CNTN4: variants seen among roughly 807,000 people sequenced by gnomAD.
CNTN4 encodes the protein contactin 4, also known as contactin-4.
CNTN4 carries 77 observed loss-of-function variants against 122.5 expected under a neutral mutation model. The observed-to-expected ratio is 0.63, with a 90% CI of 0.52 to 0.76. The LOEUF (loss-of-function observed/expected upper bound fraction) is 0.76, where lower values mean the gene tolerates loss of function less well. Among genes scored for constraint, CNTN4 ranks in the 30% least tolerant of loss-of-function variants. CNTN4 has a pLI of 0.00. For synonymous variants in CNTN4, 512 were observed against 447.0 expected, an observed-to-expected ratio of 1.15 and a Z score of -1.83; for missense variants, 1,256 against 1,259.1, an observed-to-expected ratio of 1.00 and a Z score of 0.04.
At chr3:2,751,030 G>C (rs1423492179) in intron 6 of CNTN4, among the ~76,000 whole-genome samples, 1 of 152,124 alleles carries the variant, frequency 6.6e-6, no homozygotes. Context: ...GGCCAGGCGC[G>C]ATGGCTCATG....
chr3:2,961,308 G>C (rs964980161), intron 13 of CNTN4, among the ~76,000 whole-genome samples: 2 of 147,008 alleles, frequency 1.4e-5, no homozygotes. Context: ...CATCACCCCA[G>C]CCAACACCTA....
chr3:2,782,410 C>A (rs1016991916), intron 6 of CNTN4, among the ~76,000 whole-genome samples: 1 of 150,542 alleles, frequency 6.6e-6, no homozygotes, highest in African/African-American at 2.4e-5. Context: ...TTCCTAGTGG[C>A]GATGAAGACT....
rs146761914 is a variant in CNTN4 at position 2,649,316 on chromosome 3, C to T, written c.55+77758C>T. Among the ~76,000 whole-genome samples the T allele has an allele frequency of 7.0e-4, 107 of 152,284 alleles. 1 individual carries two copies. Among genetic ancestry groups the T allele is most frequent in the Non-Finnish European group, 1.4e-3 (92 of 68,010 alleles). On this transcript the variant is annotated intron_variant, in intron 4 of 24. Transcript: ENST00000418658. ...ATAAGTAGAGAGGACAAGTCAATGC[C>T]TGGCTTCAAAACTTCAAAGGACGGG...
chr3:2,662,307 C>T (rs1175292407), intron 4 of CNTN4, among the ~76,000 whole-genome samples: 1 of 152,170 alleles, frequency 6.6e-6, no homozygotes, highest in Non-Finnish European at 1.5e-5. Context: ...ATTTAGATCT[C>T]ACTCATATAA....
Position 3,055,341 on chromosome 3 carries a change from G to C in CNTN4, c.2981-779G>C, listed in dbSNP as rs17025492. Among the ~76,000 whole-genome samples the C allele has an allele frequency of 2.5e-3, 376 of 152,268 alleles. 3 individuals carry two copies. The highest frequency in any genetic ancestry group is 8.7e-3 in the African/African-American group (360 of 41,556). ...AGGGATTGACATTTTTAGATAGACT[G>C]ATGATTCCTGGTTTTATTCATTACA... On this transcript the variant is annotated intron_variant, in intron 24 of 24. Transcript: ENST00000418658.
intron 2 of CNTN4, among the ~76,000 whole-genome samples, chr3:2,174,197 G>A (rs771869122): frequency 6.6e-6 from 1 of 152,114 alleles, no homozygotes; most frequent in South Asian, 2.1e-4. Context: ...TGTCTTTTCC[G>A]TGGAAAAGAG....
In CNTN4 at chr3:2,802,540, A is replaced by G. The variant is rs368333711; in HGVS notation, c.359-16946A>G. Among the ~76,000 whole-genome samples, 19 of 152,352 alleles carry G rather than the reference A, an allele frequency of 1.2e-4. 2 individuals are homozygous for G. Among genetic ancestry groups the G allele is most frequent in the Admixed American group, 1.3e-4 (2 of 15,304 alleles). ...TACGTGTCAGATGAGCTTCTTTCAG[A>G]CCACGAATTCAATGTCAATGAGTCA... On this transcript the variant is annotated intron_variant, in intron 6 of 24. Coordinates refer to ENST00000418658, the MANE Select transcript of CNTN4 (RefSeq NM_175607.3).
At chr3:2,745,736 A>C (rs942097113) in intron 6 of CNTN4, 39 bp downstream of exon 6, 7 of 1,585,272 alleles carry the variant, frequency 4.4e-6, no homozygotes, top group Non-Finnish European at 6.1e-6. Context: ...TGTTGCTTTC[A>C]GTTTGTGTAC....
chr3:2,310,829 A>T (rs2042887591), intron 2 of CNTN4, among the ~76,000 whole-genome samples: 1 of 152,168 alleles, frequency 6.6e-6, no homozygotes, highest in Admixed American at 6.6e-5. Context: ...AAAGGATTGC[A>T]TTTGAATACT....
At chr3:2,459,550 T>G (rs1430719106) in intron 3 of CNTN4, among the ~76,000 whole-genome samples, 1 of 152,104 alleles carries the variant, frequency 6.6e-6, no homozygotes, top group Non-Finnish European at 1.5e-5. Context: ...ATTTTCTAGG[T>G]GCAGAGCAAC....
At chr3:2,243,399 G>A (rs1347934802) in intron 2 of CNTN4, among the ~76,000 whole-genome samples, 4 of 152,144 alleles carry the variant, frequency 2.6e-5, no homozygotes, top group African/African-American at 7.2e-5. Context: ...CTAGGCCCAT[G>A]TGTGGGCTGT....
At chr3:2,707,773 T>C (rs2149312241) in intron 4 of CNTN4, among the ~76,000 whole-genome samples, 1 of 152,124 alleles carries the variant, frequency 6.6e-6, no homozygotes, top group Admixed American at 6.5e-5. Context: ...CCTCCCTAAG[T>C]GCTGCACATA....
At chr3:2,675,064 G>C (rs918162017) in intron 4 of CNTN4, among the ~76,000 whole-genome samples, 1 of 151,464 alleles carries the variant, frequency 6.6e-6, no homozygotes, top group Non-Finnish European at 1.5e-5. Flanking sequence ...ATTATGTGAA[G>C]TAAAAGGCTT....
intron 3 of CNTN4, among the ~76,000 whole-genome samples, chr3:2,408,298 C>G (rs2047110135): frequency 6.6e-6 from 1 of 152,174 alleles, no homozygotes; most frequent in African/African-American, 2.4e-5. Flanking sequence ...TCCCAGTAAA[C>G]AGCAAGCATG....
At chr3:2,299,703 TTTCATGAAA>T (rs1396164026) in intron 2 of CNTN4, among the ~76,000 whole-genome samples, 1 of 152,176 alleles carries the variant, frequency 6.6e-6, no homozygotes, top group African/African-American at 2.4e-5. Flanking sequence ...CAACAGAATA[TTTCATGAAA>T]TTTGTGTTTA....
At chr3:2,383,459 T>C (rs1423866777) in intron 3 of CNTN4, among the ~76,000 whole-genome samples, 1 of 152,156 alleles carries the variant, frequency 6.6e-6, no homozygotes, top group Admixed American at 6.5e-5. Flanking sequence ...GTACTATTTA[T>C]TTTTTCCATT....
At chr3:2,725,955 A>G (rs190272623) in intron 4 of CNTN4, among the ~76,000 whole-genome samples, 1 of 152,350 alleles carries the variant, frequency 6.6e-6, no homozygotes, top group African/African-American at 2.4e-5. Flanking sequence ...TACAGCTGAT[A>G]ACAACTGCAA....
chr3:2,221,642 A>G (rs146235147), intron 2 of CNTN4, among the ~76,000 whole-genome samples: 12 of 152,104 alleles, frequency 7.9e-5, no homozygotes, highest in Non-Finnish European at 1.2e-4. Flanking sequence ...TTTTACATAT[A>G]TATCTGATAT....
chr3:2,953,523 C>A (rs1379868278), intron 13 of CNTN4, among the ~76,000 whole-genome samples: 1 of 151,806 alleles, frequency 6.6e-6, no homozygotes, highest in Admixed American at 6.6e-5. Flanking sequence ...TGACCCGGGG[C>A]ACAGTTTTTG....
Sources: gnomAD v4.1 joint callset for allele counts (sites outside exome capture counted in the v4.1 genomes callset) on GRCh38, gnomAD v4.1.1 for gene constraint, MANE v1.5 for transcripts, NCBI Gene and HGNC (gene_info 2026-07-23, HGNC 2026-07-21) for gene names.